The following SPATA17 variants were observed in gnomAD, a reference collection of about 807,000 sequenced individuals.
SPATA17 encodes spermatogenesis associated 17.
Under a neutral mutation model 62.2 loss-of-function variants are expected in SPATA17, and 53 were observed. That is an observed-to-expected ratio of 0.85 (90% CI 0.68 to 1.07). SPATA17 has a LOEUF of 1.07. Among genes scored for constraint, SPATA17 ranks in the 50% least tolerant of loss-of-function variants. SPATA17 has a pLI of 0.00. For synonymous variants in SPATA17, 146 were observed against 146.8 expected, an observed-to-expected ratio of 0.99 and a Z score of 0.04; for missense variants, 466 against 425.5, an observed-to-expected ratio of 1.10 and a Z score of -0.84.
At chr1:217,825,406 A>G (rs1674969164) in intron 9 of SPATA17, among the ~76,000 whole-genome samples, 1 of 151,858 alleles carries the variant, frequency 6.6e-6, no homozygotes, top group Admixed American at 6.6e-5. Flanking sequence ...TGTTTTTATA[A>G]AAACTTTTTA....
intron 9 of SPATA17, among the ~76,000 whole-genome samples, chr1:217,822,301 T>C (rs1244625334): frequency 1.3e-5 from 2 of 152,050 alleles, no homozygotes; most frequent in Non-Finnish European, 2.9e-5. Context: ...TTACATTGTT[T>C]TGATAACAAT....
At position 217,718,872 on chromosome 1, in the gene SPATA17, C is replaced by T. The variant is rs187495081; in HGVS notation, c.396-23103C>T. On this transcript the variant is annotated intron_variant, in intron 5 of 10. Transcript: ENST00000366933. ...AAACAAACAAACAAACAAAACAAAA[C>T]AAACAAAAAAACAGCAACAGAGCTT... 4.1e-4 allele frequency among the ~76,000 whole-genome samples: 63 copies of T among 152,052 alleles called. 1 individual carries two copies. In the East Asian group the frequency reaches 0.011, roughly 27 times the overall value.
At chr1:217,791,859 G>A (rs2102982402) in intron 8 of SPATA17, among the ~76,000 whole-genome samples, 1 of 152,142 alleles carries the variant, frequency 6.6e-6, no homozygotes, top group African/African-American at 2.4e-5. Context: ...AGAGTCACTG[G>A]GGCCACAGTC....
chr1:217,660,033 C>T (rs1446281266), intron 3 of SPATA17, among the ~76,000 whole-genome samples: 3 of 152,146 alleles, frequency 2.0e-5, no homozygotes, highest in South Asian at 4.1e-4. Context: ...ATGCTTTAGT[C>T]GTATTCAACC....
chr1:217,714,488 C>CTTTTTTTTTTTTTTTTTTT lies in SPATA17; in HGVS notation c.396-27473_396-27472insTTTTTTTTTTTTTTTTTTT, dbSNP rs750665329. ...TGAGTTGAACGTGGAAAACGTGTTT[C>CTTTTTTTTTTTTTTTTTTT]TTTTTTTTTTTTTTGAGACAGAGTC... is the stretch of plus-strand genomic sequence containing the variant. On this transcript the variant is annotated intron_variant, in intron 5 of 10. Coordinates refer to ENST00000366933, the MANE Select transcript of SPATA17 (RefSeq NM_138796.4). Among the ~76,000 whole-genome samples the CTTTTTTTTTTTTTTTTTTT allele has an allele frequency of 8.7e-4, 106 of 121,396 alleles. 7 individuals are homozygous for CTTTTTTTTTTTTTTTTTTT. Among genetic ancestry groups the CTTTTTTTTTTTTTTTTTTT allele is most frequent in the Non-Finnish European group, 1.4e-3 (81 of 58,236 alleles). 79.6% of individuals were successfully genotyped at this position (121,396 alleles called of 152,430 possible).
At chr1:217,813,444 TA>T (rs1238050104) in intron 9 of SPATA17, among the ~76,000 whole-genome samples, 5 of 152,226 alleles carry the variant, frequency 3.3e-5, no homozygotes, top group Non-Finnish European at 7.3e-5. Flanking sequence ...CCTTTCTATT[TA>T]AACAGACCAG....
intron 1 of SPATA17, among the ~76,000 whole-genome samples, chr1:217,645,568 A>G (rs1670162420): frequency 6.6e-6 from 1 of 152,210 alleles, no homozygotes; most frequent in African/African-American, 2.4e-5. Context: ...TTTGTTAAAT[A>G]TTAATGGTAA....
chr1:217,844,546 C>T (rs999638124), intron 9 of SPATA17, among the ~76,000 whole-genome samples: 2 of 152,044 alleles, frequency 1.3e-5, no homozygotes, highest in African/African-American at 2.4e-5. Context: ...GATGGACTGA[C>T]ATCTTCAATC....
At chr1:217,838,261 T>G (rs1675307753) in intron 9 of SPATA17, among the ~76,000 whole-genome samples, 1 of 152,076 alleles carries the variant, frequency 6.6e-6, no homozygotes, top group East Asian at 1.9e-4. Flanking sequence ...AGAAGGGACT[T>G]GATTTTAGCA....
chr1:217,764,727 G>A (rs956331424), intron 6 of SPATA17, among the ~76,000 whole-genome samples: 2 of 152,040 alleles, frequency 1.3e-5, no homozygotes, highest in African/African-American at 4.8e-5. Flanking sequence ...CCCATTGCTG[G>A]CATTTGGTGG....
chr1:217,681,419 G>A (rs1571727020), intron 4 of SPATA17, among the ~76,000 whole-genome samples: 2 of 151,748 alleles, frequency 1.3e-5, no homozygotes, highest in South Asian at 2.1e-4. Flanking sequence ...TGTCGCCCAG[G>A]CTGGAGTGCA....
At chr1:217,780,040 G>C (rs568826504) in intron 7 of SPATA17, among the ~76,000 whole-genome samples, 1 of 151,984 alleles carries the variant, frequency 6.6e-6, no homozygotes, top group Non-Finnish European at 1.5e-5. Flanking sequence ...AGGTATTCTA[G>C]GGATTAATTG....
chr1:217,779,979 A>G (rs1054646802), intron 7 of SPATA17, among the ~76,000 whole-genome samples: 1 of 152,144 alleles, frequency 6.6e-6, no homozygotes, highest in Non-Finnish European at 1.5e-5. Context: ...AAAAAACCAT[A>G]GCTAAGAGTC....
intron 5 of SPATA17, among the ~76,000 whole-genome samples, chr1:217,732,868 C>G (rs538650346): frequency 1.3e-5 from 2 of 151,922 alleles, no homozygotes; most frequent in African/African-American, 4.8e-5. Flanking sequence ...TTTGACATCA[C>G]GCATATATAA....
chr1:217,767,270 T>C (rs1196440594), intron 6 of SPATA17, among the ~76,000 whole-genome samples: 1 of 152,094 alleles, frequency 6.6e-6, no homozygotes, highest in East Asian at 1.9e-4. Flanking sequence ...TGTTTTTTCT[T>C]TGTGTCTTTT....
chr1:217,637,365 T>C (rs1406224516), intron 1 of SPATA17, among the ~76,000 whole-genome samples: 1 of 152,158 alleles, frequency 6.6e-6, no homozygotes, highest in East Asian at 1.9e-4. Flanking sequence ...GGGGGATCTT[T>C]AAATTATTAA....
intron 3 of SPATA17, among the ~76,000 whole-genome samples, chr1:217,655,171 A>G (rs1044616070): frequency 6.6e-6 from 1 of 152,164 alleles, no homozygotes; most frequent in Non-Finnish European, 1.5e-5. Context: ...CTTTGTAGTT[A>G]GTGTTTGTTG....
intron 5 of SPATA17, among the ~76,000 whole-genome samples, chr1:217,708,103 A>G (rs906340645): frequency 6.6e-6 from 1 of 152,208 alleles, no homozygotes; most frequent in Non-Finnish European, 1.5e-5. Flanking sequence ...TCAAAAAGTC[A>G]GAAATATCCC....
rs923382737 is a variant in SPATA17, at chr1:217,868,597, G to A, written c.*1578G>A. The A allele has an allele frequency of 6.7e-6, 1 of 148,180 alleles. No individual in the cohort carries two copies. Among genetic ancestry groups the A allele is most frequent in the African/African-American group, 2.5e-5 (1 of 40,164 alleles). 9.2% of individuals were successfully genotyped at this position (148,180 alleles called of 1,614,324 possible). The stretch of plus-strand genomic sequence containing the variant: ...TGTACTAAAAGTGAAAAACTGAATA[G>A]TTGTATGCATACTCAAAGTATGGTT... On this transcript the variant is annotated 3_prime_UTR_variant, in exon 11 of 11. Coordinates refer to ENST00000366933, the MANE Select transcript of SPATA17 (RefSeq NM_138796.4).
Sources: allele counts gnomAD v4.1 joint callset (sites outside exome capture counted in the v4.1 genomes callset), GRCh38; gene constraint gnomAD v4.1.1; transcripts MANE v1.5; gene names NCBI Gene and HGNC (gene_info 2026-07-23, HGNC 2026-07-21).